The following VPS13A variants were observed in gnomAD, a reference collection of about 807,000 sequenced individuals.
The protein encoded by VPS13A is intermembrane lipid transfer protein VPS13A.
A neutral mutation model predicts 390.9 loss-of-function variants in VPS13A; 264 were observed. The ratio of observed to expected loss-of-function variants is 0.68; its 90% CI spans 0.61 to 0.75. The LOEUF (loss-of-function observed/expected upper bound fraction) is 0.75, where lower values mean the gene tolerates loss of function less well. Ranked by LOEUF, VPS13A falls within the 30% of genes least tolerant of loss-of-function variation. The probability of loss-of-function intolerance (pLI) is 0.00; values close to 1 mark genes in which losing one functional copy is unlikely to be tolerated. For missense variants in VPS13A, 3,409 were observed against 3,733.9 expected, an observed-to-expected ratio of 0.91 and a Z score of 2.27; for synonymous variants, 1,231 against 1,227.1, an observed-to-expected ratio of 1.00 and a Z score of -0.07.
chr9:77,286,356 G>A (rs1273405614), intron 31 of VPS13A, among the ~76,000 whole-genome samples: 2 of 152,096 alleles, frequency 1.3e-5, no homozygotes, highest in Admixed American at 6.5e-5. Flanking sequence ...GGAGGCAGTA[G>A]GGACGTTTCT....
rs772726146 is a variant in VPS13A, at chr9:77,353,476, A to C, written c.7487A>C (p.Gln2496Pro). Residue 2496 changes from glutamine to proline, a missense_variant, in exon 54 of 72, where the codon CAA (glutamine) becomes CCA (proline). Transcript: ENST00000360280. ...IYLVSFFEGL[Q>P]RIILFTEDPR... is the part of the protein sequence containing the mutation. ...TTAGTTTCATTCTTTGAAGGTTTAC[A>C]ACGCATTATTTTATTCACTGAAGAT... is the stretch of plus-strand genomic sequence containing the variant. 6.2e-7 allele frequency: 1 copy of C among 1,613,148 alleles called. No homozygotes were observed. Among genetic ancestry groups the C allele is most frequent in the Non-Finnish European group, 8.5e-7 (1 of 1,179,486 alleles).
chr9:77,337,275 C>T lies in VPS13A; in HGVS notation c.6116C>T (p.Pro2039Leu). 1 of 1,611,902 alleles carries T rather than the reference C, an allele frequency of 6.2e-7. No individual in the cohort carries two copies. The highest frequency in any genetic ancestry group is 8.5e-7 in the Non-Finnish European group (1 of 1,179,572). ...GSYRSFIFLK[P>L]EDENYQMCEG... ...TGCAGATCATTCATTTTTCTGAAGC[C>T]AGAAGATGAGAACTATCAAATGTGT... Residue 2039 changes from proline (P) to leucine (L), a missense_variant, in exon 47 of 72, where the codon CCA becomes CTA. By Grantham distance (98) the Pro-to-Leu change is moderately conservative (BLOSUM62 -3). This residue lies in a region of VPS13A where 2,717 missense variants were observed against 2,917.4 expected (regional missense o/e 0.93). Transcript: ENST00000360280.
chr9:77,331,430 A>G (rs1830268794), intron 45 of VPS13A, among the ~76,000 whole-genome samples: 1 of 152,032 alleles, frequency 6.6e-6, no homozygotes. Context: ...AAGATACTCC[A>G]TGAATATAAT....
chr9:77,412,553 C>A (rs761245806), intron 71 of VPS13A, among the ~76,000 whole-genome samples: 1 of 152,056 alleles, frequency 6.6e-6, no homozygotes, highest in African/African-American at 2.4e-5. Context: ...AACCCTTCAT[C>A]CTAAAAACTC....
At position 77,262,598 on chromosome 9, in the gene VPS13A, G is replaced by T. The variant is rs1235735949; in HGVS notation, c.2427+2374G>T. 4.6e-5 allele frequency among the ~76,000 whole-genome samples: 7 copies of T among 151,396 alleles called. No individual in the cohort carries two copies. The South Asian group carries it at 1.5e-3, about 32-fold the overall frequency. On this transcript the variant is annotated intron_variant, in intron 23 of 71. Coordinates refer to ENST00000360280, the MANE Select transcript of VPS13A (RefSeq NM_033305.3). ...TCCCTCCCCTAGCCCCCGACCCCTC[G>T]ACAGGCCCCAGTGTGTGATGTTCCC...
At chr9:77,300,588 T>C (rs1039790929) in intron 33 of VPS13A, among the ~76,000 whole-genome samples, 46 of 152,234 alleles carry the variant, frequency 3.0e-4, no homozygotes, top group African/African-American at 1.1e-3. Context: ...AAAAATTAGC[T>C]GTGTGTGGTG....
chr9:77,311,112 G>A (rs923643906), intron 35 of VPS13A, among the ~76,000 whole-genome samples: 3 of 152,008 alleles, frequency 2.0e-5, no homozygotes, highest in Non-Finnish European at 4.4e-5. Flanking sequence ...TTTTAGTAGA[G>A]ATGGGGTTTC....
chr9:77,204,714 C>T (rs976537384), intron 3 of VPS13A, among the ~76,000 whole-genome samples: 2 of 152,066 alleles, frequency 1.3e-5, no homozygotes, highest in African/African-American at 2.4e-5. Context: ...GTAGTCCTGA[C>T]CTCCTGGGCT....
At chr9:77,410,601 C>A (rs1834873424) in intron 71 of VPS13A, among the ~76,000 whole-genome samples, 1 of 152,194 alleles carries the variant, frequency 6.6e-6, no homozygotes, top group Non-Finnish European at 1.5e-5. Flanking sequence ...GGAGGAAGAT[C>A]TACCAAGCAA....
chr9:77,195,740 A>G (rs187266161), intron 1 of VPS13A, among the ~76,000 whole-genome samples: 1 of 152,266 alleles, frequency 6.6e-6, no homozygotes, highest in African/African-American at 2.4e-5. Flanking sequence ...CCGTCTCAAA[A>G]AAGAAAAAAA....
At chr9:77,309,669 G>A (rs934056914) in intron 35 of VPS13A, among the ~76,000 whole-genome samples, 1 of 152,102 alleles carries the variant, frequency 6.6e-6, no homozygotes, top group African/African-American at 2.4e-5. Flanking sequence ...AATATTTTCA[G>A]ACACCAGTTG....
chr9:77,409,049 T>A (rs573630475), intron 71 of VPS13A, among the ~76,000 whole-genome samples: 3 of 152,140 alleles, frequency 2.0e-5, no homozygotes, highest in Non-Finnish European at 4.4e-5. Flanking sequence ...ACCCCCCAAG[T>A]AGGGGCAGAC....
At chr9:77,337,231 A>G in intron 46 of VPS13A, 24 bp from the exon 47 acceptor site, 1 of 1,601,338 alleles carries the variant, frequency 6.2e-7, no homozygotes, top group South Asian at 1.1e-5. Context: ...AACATTTTAA[A>G]CTGTATCATT....
chr9:77,235,553 A>G (rs1372057143), intron 17 of VPS13A, among the ~76,000 whole-genome samples: 1 of 152,020 alleles, frequency 6.6e-6, no homozygotes, highest in Non-Finnish European at 1.5e-5. Context: ...GAGGTCTTTG[A>G]GCTTCTTGGA....
rs1467446491 is a variant in VPS13A, at chr9:77,283,625, C to G, written c.3314C>G (p.Ser1105Cys). The G allele has an allele frequency of 1.9e-6, 3 of 1,610,756 alleles. No individual in the cohort carries two copies. Among genetic ancestry groups the G allele is most frequent in the South Asian group, 1.1e-5 (1 of 90,700 alleles). The change falls in exon 31 of 72, where the codon TCT becomes TGT. Residue 1105 changes from serine to cysteine, a missense_variant. Around this residue, in one of 5 missense-constraint regions of VPS13A, gnomAD observed 2,717 missense variants for 2,917.4 expected, o/e 0.93. Coordinates refer to ENST00000360280, the MANE Select transcript of VPS13A (RefSeq NM_033305.3). ...AKLRNIIVLD[S>C]DITAIYKKAV... ...CTAAGGAATATAATTGTTTTAGATT[C>G]TGATATAACAGCTATATACAAAAAG...
chr9:77,207,814 G>T (rs187197582), intron 5 of VPS13A, among the ~76,000 whole-genome samples: 34 of 152,114 alleles, frequency 2.2e-4, no homozygotes, highest in Admixed American at 1.5e-3. Flanking sequence ...TTTTTTGTTT[G>T]GTGGGGTTTC....
At chr9:77,287,578 C>A (rs1286537272) in intron 31 of VPS13A, among the ~76,000 whole-genome samples, 1 of 152,100 alleles carries the variant, frequency 6.6e-6, no homozygotes, top group Non-Finnish European at 1.5e-5. Flanking sequence ...TAATATAAAA[C>A]AATATTAGAG....
At chr9:77,303,962 G>A (rs1238013923) in intron 34 of VPS13A, among the ~76,000 whole-genome samples, 2 of 152,092 alleles carry the variant, frequency 1.3e-5, no homozygotes, top group Admixed American at 1.3e-4. Context: ...AACTGCAAGA[G>A]GCTTTCCTCT....
In VPS13A at chr9:77,420,677, C is replaced by T. The variant is rs896105020; in HGVS notation, c.*4671C>T. ...AATCCCTGTCTGTCATTGAACTATT[C>T]ATTTAGTGTTACTCTGATATGTTAA... On this transcript the variant is annotated 3_prime_UTR_variant, in exon 72 of 72. Transcript: ENST00000360280. 1 of 152,144 alleles carries T rather than the reference C, an allele frequency of 6.6e-6. No individual in the cohort carries two copies. Among genetic ancestry groups the T allele is most frequent in the African/African-American group, 2.4e-5 (1 of 41,416 alleles). 9.4% of individuals were successfully genotyped at this position (152,144 alleles called of 1,614,324 possible).
Sources: allele counts gnomAD v4.1 joint callset (sites outside exome capture counted in the v4.1 genomes callset), GRCh38; gene constraint gnomAD v4.1.1; regional missense constraint gnomAD v4.1.1; transcripts MANE v1.5; gene names NCBI Gene and HGNC (gene_info 2026-07-23, HGNC 2026-07-21).